The following PTOV1 variants were observed in gnomAD, a reference collection of about 807,000 sequenced individuals.
PTOV1 encodes the protein prostate tumor-overexpressed gene 1 protein.
Under a neutral mutation model 58.0 loss-of-function variants are expected in PTOV1, and 20 were observed. The ratio of observed to expected loss-of-function variants is 0.34; its 90% CI spans 0.24 to 0.50. The LOEUF (loss-of-function observed/expected upper bound fraction) is 0.50. PTOV1 is among the 20% of genes least tolerant of loss of function. The pLI is 0.98. For synonymous variants in PTOV1, 335 were observed against 234.2 expected, an observed-to-expected ratio of 1.43 and a Z score of -3.93; for missense variants, 593 against 565.4, an observed-to-expected ratio of 1.05 and a Z score of -0.50.
chr19:49,852,215 C>A, intron 1 of PTOV1: 2 of 348,560 alleles, frequency 5.7e-6, no homozygotes, highest in Non-Finnish European at 8.1e-6. Flanking sequence ...CCTGGGTTCG[C>A]GCTCGGGTCC....
In PTOV1 at chr19:49,855,304, GCTTC is replaced by G. The variant is rs1169146800; in HGVS notation, c.558+228_558+231del. The G allele has an allele frequency of 1.9e-5, 11 of 564,218 alleles. No individual in the cohort carries two copies. In the African/African-American group the frequency reaches 2.1e-4, roughly 11 times the overall value. The allele number at this position is 564,218 out of a possible 1,614,324, so 35.0% of individuals were successfully genotyped here. ...CCTCCAGTTTCTGCATCTGTGCCCA[GCTTC>G]GAGGTGGCCCTGGGGGCGTGAGTGC... is the stretch of plus-strand genomic sequence containing the variant. On this transcript the variant is annotated intron_variant, in intron 5 of 11. Transcript: ENST00000391842.
intron 5 of PTOV1, chr19:49,855,516 G>A (rs1039232539): frequency 1.2e-4 from 27 of 222,598 alleles, no homozygotes; most frequent in African/African-American, 6.1e-4. Context: ...TGAGCTGGCC[G>A]TGAGGGAGCA....
chr19:49,860,591 C>CCCCACTGCA, exon 12 of PTOV1: 1 of 529,868 alleles, frequency 1.9e-6, no homozygotes. Flanking sequence ...GGCCAGCAGC[C>CCCCACTGCA]CCCACTGCAC....
chr19:49,857,353 A>C (rs1352887679), intron 6 of PTOV1: 4 of 659,500 alleles, frequency 6.1e-6, no homozygotes, highest in South Asian at 1.9e-5. Context: ...GCGCGGCGGC[A>C]GGGAAGCCAG....
intron 5 of PTOV1, chr19:49,856,109 C>T (rs578025758): frequency 6.6e-6 from 1 of 152,336 alleles, no homozygotes; most frequent in Admixed American, 6.5e-5. Flanking sequence ...CAGGGGCAGA[C>T]CAGGGCTTGT....
rs564616084 is a variant in PTOV1 at position 49,856,905 on chromosome 19, C to T, written c.559-70C>T. On this transcript the variant is annotated intron_variant, in intron 5 of 11. Coordinates refer to ENST00000391842, the Ensembl canonical transcript of PTOV1. Reference sequence around the variant, plus strand: ...CTCCCTTCATCCCCTACAGGTGGGGCGGTCCAGGGTGGTGGGGGCACAGTG... The same window carrying T: ...CTCCCTTCATCCCCTACAGGTGGGGTGGTCCAGGGTGGTGGGGGCACAGTG... 89 of 1,567,448 alleles carry T rather than the reference C, an allele frequency of 5.7e-5. 1 individual carries two copies. The Middle Eastern group carries it at 1.4e-3, about 25-fold the overall frequency.
intron 1 of PTOV1, chr19:49,851,705 TG>T: frequency 1.2e-6 from 1 of 862,550 alleles, no homozygotes; most frequent in Non-Finnish European, 1.4e-6. Flanking sequence ...CGGGCCGGGG[TG>T]GGGGGTTGGG....
intron 2 of PTOV1, 33 bp downstream of exon 2, chr19:49,854,576 G>T: frequency 6.2e-7 from 1 of 1,612,606 alleles, no homozygotes; most frequent in Non-Finnish European, 8.5e-7. Context: ...CTGGCCTCCA[G>T]GGTCTTGTCT....
chr19:49,851,849 G>A lies in PTOV1; in HGVS notation c.171+350G>A, dbSNP rs1017613342. 2.5e-5 allele frequency: 25 copies of A among 983,074 alleles called. No individual in the cohort carries two copies. The African/African-American group carries it at 4.2e-4, about 16-fold the overall frequency. 60.9% of individuals were successfully genotyped at this position (983,074 alleles called of 1,614,324 possible). A position where few individuals can be genotyped will look rare whatever the true frequency, so the allele number is the denominator to read the frequency against. On this transcript the variant is annotated intron_variant, in intron 1 of 11. Coordinates refer to ENST00000391842, the Ensembl canonical transcript of PTOV1. ...GGAGAGTTGCTCGCTCTCCGGGCAG[G>A]AAACCTGGAAATGGGGGCGGTTTTG...
chr19:49,851,025 C>G, upstream of PTOV1: 2 of 1,528,174 alleles, frequency 1.3e-6, no homozygotes, highest in Non-Finnish European at 1.8e-6. Flanking sequence ...CTCCCCCGCG[C>G]CGGAGAGGCC....
At chr19:49,858,682 G>T in intron 10 of PTOV1, 29 bp downstream of exon 10, 1 of 1,546,482 alleles carries the variant, frequency 6.5e-7, no homozygotes, top group East Asian at 2.4e-5. Context: ...CGCAGGGGAG[G>T]GGCCGGCCAG....
At chr19:49,850,873 G>C, upstream of PTOV1, 1 of 1,535,762 alleles carries the variant, frequency 6.5e-7, no homozygotes, top group Non-Finnish European at 8.7e-7. Context: ...GCGGGCCCAG[G>C]GCTCCGGATG....
At chr19:49,857,843 G>A (rs2074547294) in intron 7 of PTOV1, 61 bp downstream of exon 7, 7 of 1,612,238 alleles carry the variant, frequency 4.3e-6, no homozygotes, top group African/African-American at 1.3e-5. Flanking sequence ...GTGGCTGGGA[G>A]GGGACACTGG....
At chr19:49,855,192 C>T (rs1230080526) in intron 5 of PTOV1, 115 bp downstream of exon 5, 2 of 999,040 alleles carry the variant, frequency 2.0e-6, no homozygotes, top group African/African-American at 3.2e-5. Flanking sequence ...CGAGGGTAGC[C>T]CTCGTGGCCT....
At chr19:49,860,486 C>A in exon 12 of PTOV1, 1 of 754,942 alleles carries the variant, frequency 1.3e-6, no homozygotes, top group Non-Finnish European at 2.1e-6. Context: ...CGGGAAACTG[C>A]AGCCCAGCCT....
At position 49,859,696 on chromosome 19, in the gene PTOV1, CTCAGGTGGCTGTGG is replaced by C. The variant is rs1310371489; in HGVS notation, c.1042-288_1042-275del. On this transcript the variant is annotated intron_variant, in intron 10 of 11. Transcript: ENST00000391842. ...CTGAGTTGAAGCCATGGCCGGTTGG[CTCAGGTGGCTGTGG>C]TGAGGTGGCCCCAGACACAGCCTGG... Among the ~76,000 whole-genome samples the C allele has an allele frequency of 1.9e-4, 29 of 152,346 alleles. No individual in the cohort carries two copies. In the East Asian group the frequency reaches 4.8e-3, roughly 25 times the overall value.
exon 6 of PTOV1, chr19:49,857,079 C>T (rs1433043146): frequency 3.7e-6 from 6 of 1,614,044 alleles, no homozygotes; most frequent in Non-Finnish European, 4.2e-6. Context: ...TCCCCTACGA[C>T]CAGAGCGGCT....
At chr19:49,854,695 C>T in exon 3 of PTOV1, 2 of 1,613,456 alleles carry the variant, frequency 1.2e-6, no homozygotes, top group Non-Finnish European at 1.7e-6. Context: ...CTGAAGCGGA[C>T]CCTGCCCTGC....
chr19:49,855,515 C>G (rs535029806), intron 5 of PTOV1: 1 of 219,108 alleles, frequency 4.6e-6, no homozygotes, highest in Non-Finnish European at 9.4e-6. Flanking sequence ...CTGAGCTGGC[C>G]GTGAGGGAGC....
Sources: allele counts gnomAD v4.1 joint callset (sites outside exome capture counted in the v4.1 genomes callset), GRCh38; gene constraint gnomAD v4.1.1; transcripts MANE v1.5; gene names NCBI Gene and HGNC (gene_info 2026-07-23, HGNC 2026-07-21).